TRPM2: variants seen among roughly 807,000 people sequenced by gnomAD.
TRPM2 encodes the protein transient receptor potential cation channel subfamily M member 2.
In TRPM2, 161 loss-of-function variants were observed where a neutral mutation model predicts 174.0. That is an observed-to-expected ratio of 0.93 (90% CI 0.81 to 1.05). The LOEUF is 1.05. TRPM2 is among the 50% of genes least tolerant of loss of function. The probability of loss-of-function intolerance (pLI) is 0.00; values close to 1 mark genes in which losing one functional copy is unlikely to be tolerated. For missense variants in TRPM2, 2,057 were observed against 2,038.0 expected, an observed-to-expected ratio of 1.01 and a Z score of -0.18; for synonymous variants, 954 against 861.3, an observed-to-expected ratio of 1.11 and a Z score of -1.88.
rs1299502546 is a variant in TRPM2, at chr21:44,366,841, ATC to A, written c.514_515del (p.Ser172GlyfsTer96). The A allele has an allele frequency of 6.2e-7, 1 of 1,612,674 alleles. No homozygotes were observed. The highest frequency in any genetic ancestry group is 2.2e-5 in the East Asian group (1 of 44,798). On this transcript the variant is annotated frameshift_variant, in exon 4 of 32. Coordinates refer to ENST00000397928, the MANE Select transcript of TRPM2 (RefSeq NM_003307.4). LOFTEE classifies it high-confidence loss of function. The surrounding 1 kb of genome is among the most constrained non-coding windows in gnomAD (Gnocchi z 6.0). ...GGGGCTGGACGTCCCCAATCTCTTG[ATC>A]TCGGTGACCGGGGGGGCCAAGAACT... is the stretch of plus-strand genomic sequence containing the variant. ...HWGLDVPNLL[I>X]SVTGGAKNFN...
chr21:44,371,168 G>A (rs1223423444), intron 5 of TRPM2, among the ~76,000 whole-genome samples: 2 of 152,152 alleles, frequency 1.3e-5, no homozygotes, highest in Admixed American at 6.5e-5. Flanking sequence ...TCCAGCGTCT[G>A]GGTGCTGATG....
At chr21:44,362,660 T>C (rs1198062849) in intron 2 of TRPM2, among the ~76,000 whole-genome samples, 1 of 152,232 alleles carries the variant, frequency 6.6e-6, no homozygotes, top group Non-Finnish European at 1.5e-5. Context: ...CCTTTTCTTG[T>C]TTCCTTTCTG....
chr21:44,362,348 C>CTAAAAAAA (rs2048235026), intron 2 of TRPM2, among the ~76,000 whole-genome samples: 1 of 89,288 alleles, frequency 1.1e-5, no homozygotes, highest in Non-Finnish European at 2.3e-5. Context: ...ACTAAAAATA[C>CTAAAAAAA]AAAAAAAAAA....
chr21:44,380,231 T>C (rs1366447330), intron 8 of TRPM2, among the ~76,000 whole-genome samples: 1 of 152,180 alleles, frequency 6.6e-6, no homozygotes, highest in Non-Finnish European at 1.5e-5. Context: ...GGTCTCAGAG[T>C]GACCTCGTTC....
chr21:44,366,886 C>A lies in TRPM2; in HGVS notation c.556C>A (p.Leu186Met). 6.2e-7 allele frequency: 1 copy of A among 1,611,994 alleles called. No individual in the cohort carries two copies. Among genetic ancestry groups the A allele is most frequent in the Non-Finnish European group, 8.5e-7 (1 of 1,178,636 alleles). The stretch of plus-strand genomic sequence containing the variant: ...CAAGAACTTCAACATGAAGCCGCGG[C>A]TGAAGAGCATTTTCCGCAGAGGCCT... ...GAKNFNMKPR[L>M]KSIFRRGLVK... The change falls in exon 4 of 32, where the codon CTG becomes ATG. Residue 186 changes from leucine to methionine, a missense_variant. Leu to Met is a conservative substitution (Grantham distance 15). Transcript: ENST00000397928. The surrounding 1 kb of genome is among the most constrained non-coding windows in gnomAD (Gnocchi z 6.0).
chr21:44,421,956 G>A (rs1292290702), intron 22 of TRPM2, among the ~76,000 whole-genome samples: 1 of 152,192 alleles, frequency 6.6e-6, no homozygotes, highest in African/African-American at 2.4e-5. Flanking sequence ...TTCCCAAGAT[G>A]AGCCTGCAGA....
intron 11 of TRPM2, among the ~76,000 whole-genome samples, chr21:44,393,861 A>G (rs2049257401): frequency 6.6e-6 from 1 of 151,556 alleles, no homozygotes; most frequent in African/African-American, 2.4e-5. Context: ...AGACATGGGT[A>G]TGACTTGGTT....
chr21:44,437,345 C>G (rs982223210), intron 29 of TRPM2, among the ~76,000 whole-genome samples, 178 bp downstream of exon 29: 2 of 152,184 alleles, frequency 1.3e-5, no homozygotes, highest in African/African-American at 4.8e-5. Flanking sequence ...CTCCCTTTTC[C>G]TCATGTTGCA....
chr21:44,437,277 G>A, intron 29 of TRPM2, 110 bp downstream of exon 29: 1 of 1,049,960 alleles, frequency 9.5e-7, no homozygotes, highest in Non-Finnish European at 1.4e-6. Context: ...GCCCCCTGCA[G>A]CCCCTGGGCA....
chr21:44,401,632 G>A lies in TRPM2; in HGVS notation c.2322-49G>A, dbSNP rs756658721. 6 of 1,597,126 alleles carry A rather than the reference G, an allele frequency of 3.8e-6. No individual in the cohort carries two copies. The South Asian group carries it at 6.6e-5, about 18-fold the overall frequency. On this transcript the variant is annotated intron_variant, in intron 15 of 31. Transcript: ENST00000397928. ...GGTGGCCAAAGCCTGTGGAGGTCAG[G>A]ACCCTGGCCCTGGTGGTCACTGTCT...
In TRPM2 at chr21:44,438,133, T is replaced by C. The variant is rs1263311324; in HGVS notation, c.4168-934T>C. ...CCGGAGCCCAGGCCCAGCTGCTGGGTCCCAGTGCTTTGGGGGCCTGTCTCC... is the reference window on the plus strand; with the variant it reads ...CCGGAGCCCAGGCCCAGCTGCTGGGCCCCAGTGCTTTGGGGGCCTGTCTCC... On this transcript the variant is annotated intron_variant, in intron 29 of 31. Coordinates refer to ENST00000397928, the MANE Select transcript of TRPM2 (RefSeq NM_003307.4). This position sits in a 1 kb window ranked among gnomAD's most constrained non-coding sequence, Gnocchi z 5.9. 8.5e-5 allele frequency among the ~76,000 whole-genome samples: 13 copies of C among 152,196 alleles called. No homozygotes were observed.
At chr21:44,351,389 G>C (rs2122996968), upstream of TRPM2, among the ~76,000 whole-genome samples, 46 of 152,350 alleles carry the variant, frequency 3.0e-4, no homozygotes, top group African/African-American at 1.1e-3. Context: ...CCCTTTCTCC[G>C]GGAATAGCTC....
intron 30 of TRPM2, among the ~76,000 whole-genome samples, chr21:44,440,164 C>T (rs1405733526): frequency 1.3e-5 from 2 of 151,206 alleles, no homozygotes; most frequent in African/African-American, 2.4e-5. Context: ...TGGTGAAACC[C>T]CGTCTCTACT....
At chr21:44,427,457 T>C (rs1480232374) in intron 27 of TRPM2, among the ~76,000 whole-genome samples, 1 of 152,142 alleles carries the variant, frequency 6.6e-6, no homozygotes, top group Non-Finnish European at 1.5e-5. Context: ...GACACGGAGA[T>C]GGGCACTGGC....
intron 27 of TRPM2, among the ~76,000 whole-genome samples, chr21:44,430,027 A>G (rs559515014): frequency 2.0e-5 from 3 of 152,302 alleles, no homozygotes; most frequent in Non-Finnish European, 4.4e-5. Context: ...TGAGATAGTT[A>G]TAAGATGTTT....
At chr21:44,424,783 T>G in intron 23 of TRPM2, 69 bp from the exon 24 acceptor site, 1 of 1,000,596 alleles carries the variant, frequency 1.0e-6, no homozygotes, top group South Asian at 2.3e-5. Flanking sequence ...GAAGTCTCGG[T>G]GGGCAGTGGG....
intron 5 of TRPM2, 83 bp downstream of exon 5, chr21:44,369,426 G>GT: frequency 4.7e-6 from 7 of 1,500,572 alleles, no homozygotes; most frequent in Non-Finnish European, 6.3e-6. Flanking sequence ...AGCAGGTGGA[G>GT]TGTACGGGGG....
intron 12 of TRPM2, among the ~76,000 whole-genome samples, chr21:44,396,286 A>C (rs370784011): frequency 1.4e-4 from 1 of 7,284 alleles, no homozygotes; most frequent in Admixed American, 1.7e-3. Context: ...CTGTGGAGGG[A>C]TGTGGAGGGC....
chr21:44,381,102 C>A (rs1394771913), intron 8 of TRPM2, among the ~76,000 whole-genome samples: 1 of 152,016 alleles, frequency 6.6e-6, no homozygotes, highest in Non-Finnish European at 1.5e-5. Flanking sequence ...AGGGATGGGG[C>A]ACCGTTGGGG....
Sources: gnomAD v4.1 joint callset for allele counts (sites outside exome capture counted in the v4.1 genomes callset) on GRCh38, gnomAD v4.1.1 for gene constraint, Gnocchi (gnomAD v3.1) non-coding constraint, MANE v1.5 for transcripts, NCBI Gene and HGNC (gene_info 2026-07-23, HGNC 2026-07-21) for gene names.